Variants in KCNJ6 observed in about 807,000 individuals in gnomAD.
The protein encoded by KCNJ6 is G protein-activated inward rectifier potassium channel 2.
In KCNJ6, 9 loss-of-function variants were observed where a neutral mutation model predicts 34.2. The ratio of observed to expected loss-of-function variants is 0.26; its 90% CI spans 0.16 to 0.46. KCNJ6 has a LOEUF of 0.46. Ranked by LOEUF, KCNJ6 falls within the 20% of genes least tolerant of loss-of-function variation. KCNJ6 has a pLI of 1.00. For missense variants in KCNJ6, 236 were observed against 531.3 expected (o/e 0.44, Z 5.46); for synonymous variants, 196 against 207.1 (o/e 0.95, Z 0.46).
At chr21:37,911,556 T>C (rs1393687303) in intron 1 of KCNJ6, among the ~76,000 whole-genome samples, 1 of 152,218 alleles carries the variant, frequency 6.6e-6, no homozygotes, top group East Asian at 1.9e-4. Flanking sequence ...TCTAATACAA[T>C]GAACTTAGAA....
At chr21:37,725,114 C>A (rs2054847541) in intron 2 of KCNJ6, among the ~76,000 whole-genome samples, 1 of 151,910 alleles carries the variant, frequency 6.6e-6, no homozygotes, top group African/African-American at 2.4e-5. Context: ...ATAAATACCC[C>A]AACAGAAAAA....
rs55859652 is a variant in KCNJ6 at position 37,859,487 on chromosome 21, TTATATATA to T, written c.-27-18786_-27-18779del. Among the ~76,000 whole-genome samples, 115 of 84,288 alleles carry T rather than the reference TTATATATA, an allele frequency of 1.4e-3. 2 individuals are homozygous for T. The highest frequency in any genetic ancestry group is 4.2e-3 in the African/African-American group (70 of 16,624). The allele number at this position is 84,288 out of a possible 152,430, so 55.3% of individuals were successfully genotyped here. ...ATTTTAACTATGGGCTTATATTACT[TTATATATA>T]TATATATATATATATATATATATAT... is the stretch of plus-strand genomic sequence containing the variant. On this transcript the variant is annotated intron_variant, in intron 1 of 3. Transcript: ENST00000609713.
intron 2 of KCNJ6, among the ~76,000 whole-genome samples, chr21:37,815,636 A>G (rs1471897980): frequency 6.6e-6 from 1 of 152,200 alleles, no homozygotes; most frequent in Admixed American, 6.5e-5. Context: ...CATCTAATCC[A>G]GTCCACTTGG....
At chr21:37,777,263 C>T (rs558473608) in intron 2 of KCNJ6, among the ~76,000 whole-genome samples, 44 of 152,078 alleles carry the variant, frequency 2.9e-4, no homozygotes, top group African/African-American at 8.7e-4. Context: ...GTCTTGCTAG[C>T]GGTCTATCAA....
At chr21:37,765,756 G>C (rs1402749348) in intron 2 of KCNJ6, among the ~76,000 whole-genome samples, 1 of 152,348 alleles carries the variant, frequency 6.6e-6, no homozygotes, top group South Asian at 2.1e-4. Flanking sequence ...GTCAATGAAT[G>C]AGTCAAGTTC....
chr21:37,723,635 C>G (rs995746854), intron 2 of KCNJ6, among the ~76,000 whole-genome samples: 1 of 152,150 alleles, frequency 6.6e-6, no homozygotes, highest in African/African-American at 2.4e-5. Flanking sequence ...AGGTGGAGGT[C>G]ATTATCCCAA....
intron 1 of KCNJ6, among the ~76,000 whole-genome samples, chr21:37,885,589 A>G (rs1384493001): frequency 6.6e-6 from 1 of 152,200 alleles, no homozygotes; most frequent in African/African-American, 2.4e-5. Flanking sequence ...GCAAGCCCAC[A>G]TGGAGGGGAC....
intron 3 of KCNJ6, among the ~76,000 whole-genome samples, chr21:37,641,899 A>G (rs530759991): frequency 6.6e-6 from 1 of 152,216 alleles, no homozygotes; most frequent in African/African-American, 2.4e-5. Context: ...TTCAAGACAT[A>G]TTTAGGAGGT....
At chr21:37,749,569 C>T (rs1351972359) in intron 2 of KCNJ6, among the ~76,000 whole-genome samples, 1 of 152,132 alleles carries the variant, frequency 6.6e-6, no homozygotes, top group Non-Finnish European at 1.5e-5. Flanking sequence ...TGTGGCTGTC[C>T]CAGACCCTTT....
At chr21:37,911,122 T>TA (rs1234144568) in intron 1 of KCNJ6, among the ~76,000 whole-genome samples, 36 of 152,250 alleles carry the variant, frequency 2.4e-4, no homozygotes, top group African/African-American at 8.4e-4. Context: ...ATGTATATTC[T>TA]AGTACTTTGC....
rs2059300288 is a variant in KCNJ6 at position 37,616,591 on chromosome 21, A to ATT, written c.*8567_*8568insAA. On this transcript the variant is annotated 3_prime_UTR_variant, in exon 4 of 4. Coordinates refer to ENST00000609713, the MANE Select transcript of KCNJ6 (RefSeq NM_002240.5). ...ATTATGAAGCAGGAACAAAATGTACATATATATATATATATATATATATAT... is the reference window on the plus strand; with the variant it reads ...ATTATGAAGCAGGAACAAAATGTACATTTATATATATATATATATATATATAT... 1 of 16,518 alleles carries ATT rather than the reference A, an allele frequency of 6.1e-5. No homozygotes were observed. The highest frequency in any genetic ancestry group is 1.0e-4 in the Non-Finnish European group (1 of 9,678). 1.0% of individuals were successfully genotyped at this position (16,518 alleles called of 1,614,324 possible). A position where few individuals can be genotyped will look rare whatever the true frequency, so the allele number is the denominator to read the frequency against.
intron 2 of KCNJ6, among the ~76,000 whole-genome samples, chr21:37,766,944 AC>A (rs2055094379): frequency 6.6e-6 from 1 of 152,170 alleles, no homozygotes; most frequent in Non-Finnish European, 1.5e-5. Context: ...GATCTGAGAA[AC>A]AGTTTCATTC....
intron 3 of KCNJ6, among the ~76,000 whole-genome samples, chr21:37,643,016 C>A (rs2054387992): frequency 6.6e-6 from 1 of 152,046 alleles, no homozygotes; most frequent in Non-Finnish European, 1.5e-5. Flanking sequence ...AACAGACAGA[C>A]CTCCAAGTTT....
chr21:37,766,766 G>A (rs935788689), intron 2 of KCNJ6, among the ~76,000 whole-genome samples: 1 of 152,164 alleles, frequency 6.6e-6, no homozygotes, highest in Non-Finnish European at 1.5e-5. Flanking sequence ...TAGGAACTGG[G>A]CCACACAGCA....
intron 2 of KCNJ6, among the ~76,000 whole-genome samples, chr21:37,804,681 T>C (rs534602556): frequency 6.6e-6 from 1 of 152,348 alleles, no homozygotes; most frequent in Non-Finnish European, 1.5e-5. Context: ...TATTTGGTTT[T>C]CTGTTCCTGC....
intron 1 of KCNJ6, among the ~76,000 whole-genome samples, chr21:37,889,007 T>C (rs1230873173): frequency 6.6e-6 from 1 of 152,158 alleles, no homozygotes; most frequent in African/African-American, 2.4e-5. Flanking sequence ...CCTGACACCA[T>C]AAGGCTATGT....
At chr21:37,818,207 CGTGCGTGTGT>C (rs1003898823) in intron 2 of KCNJ6, among the ~76,000 whole-genome samples, 17 of 81,044 alleles carry the variant, frequency 2.1e-4, no homozygotes, top group African/African-American at 8.2e-4. Context: ...TGTGTGTGTG[CGTGCGTGTGT>C]GTGTGTGTGT....
At chr21:37,826,566 C>T (rs2055399969) in intron 2 of KCNJ6, among the ~76,000 whole-genome samples, 1 of 151,694 alleles carries the variant, frequency 6.6e-6, no homozygotes, top group Non-Finnish European at 1.5e-5. Context: ...CCTCATGGTA[C>T]CTACTGATAA....
intron 3 of KCNJ6, among the ~76,000 whole-genome samples, chr21:37,663,911 G>T (rs1331050265): frequency 6.6e-6 from 1 of 152,152 alleles, no homozygotes; most frequent in Admixed American, 6.6e-5. Flanking sequence ...CCCACAGCTG[G>T]CCTTGCATTC....
Sources: gnomAD v4.1 joint callset for allele counts (sites outside exome capture counted in the v4.1 genomes callset) on GRCh38, gnomAD v4.1.1 for gene constraint, MANE v1.5 for transcripts, NCBI Gene and HGNC (gene_info 2026-07-23, HGNC 2026-07-21) for gene names.